The following DGKH variants were observed in gnomAD, a reference collection of about 807,000 sequenced individuals.
DGKH encodes the protein diacylglycerol kinase eta.
Under a neutral mutation model 159.3 loss-of-function variants are expected in DGKH, and 90 were observed. That is an observed-to-expected ratio of 0.57 (90% confidence interval 0.48 to 0.67). The LOEUF is 0.67. Ranked by LOEUF, DGKH falls within the 30% of genes least tolerant of loss-of-function variation. DGKH has a pLI of 0.00. For missense variants in DGKH, 1,181 were observed against 1,506.1 expected (o/e 0.78, Z 3.57); for synonymous variants, 536 against 553.8 (o/e 0.97, Z 0.45).
intron 1 of DGKH, among the ~76,000 whole-genome samples, chr13:42,057,287 G>A (rs1009898686): frequency 2.0e-5 from 3 of 151,830 alleles, no homozygotes; most frequent in African/African-American, 7.3e-5. Context: ...AAAAATATGA[G>A]TAAAATTTAT....
intron 1 of DGKH, chr13:42,070,104 G>T: frequency 1.0e-6 from 1 of 964,366 alleles, no homozygotes; most frequent in Non-Finnish European, 1.7e-6. Flanking sequence ...GAAAAGGATG[G>T]CTTGAAATTG....
At chr13:42,052,980 G>C (rs1364522042) in intron 1 of DGKH, among the ~76,000 whole-genome samples, 1 of 152,102 alleles carries the variant, frequency 6.6e-6, no homozygotes, top group African/African-American at 2.4e-5. Flanking sequence ...GGCCACAAAT[G>C]AGTCTCTAAA....
At chr13:42,114,667 A>G (rs1463107360) in intron 1 of DGKH, among the ~76,000 whole-genome samples, 1 of 152,236 alleles carries the variant, frequency 6.6e-6, no homozygotes, top group Non-Finnish European at 1.5e-5. Context: ...CTAAGAAGTA[A>G]AATAATATAC....
intron 1 of DGKH, among the ~76,000 whole-genome samples, chr13:42,083,902 C>T (rs549175902): frequency 6.6e-6 from 1 of 152,286 alleles, no homozygotes; most frequent in South Asian, 2.1e-4. Context: ...TAGTGTTAAA[C>T]CCACTTTCAA....
chr13:42,209,993 A>AT (rs34470988), intron 23 of DGKH, among the ~76,000 whole-genome samples: 3,561 of 132,694 alleles, frequency 0.027, 95 homozygotes, highest in African/African-American at 0.079. Flanking sequence ...GCAATCATTG[A>AT]TTTTTTTTTT....
At chr13:42,089,476 G>A (rs1055105533) in intron 1 of DGKH, among the ~76,000 whole-genome samples, 3 of 152,056 alleles carry the variant, frequency 2.0e-5, no homozygotes, top group Admixed American at 6.6e-5. Context: ...GTCCAGAATG[G>A]GTCTCAGCTA....
intron 1 of DGKH, among the ~76,000 whole-genome samples, chr13:42,100,357 G>A (rs1288349973): frequency 6.6e-6 from 1 of 152,154 alleles, no homozygotes; most frequent in Non-Finnish European, 1.5e-5. Flanking sequence ...ATTATGGTGA[G>A]TTGAATTATT....
At chr13:42,204,257 G>A (rs1015316182) in intron 20 of DGKH, among the ~76,000 whole-genome samples, 6 of 152,224 alleles carry the variant, frequency 3.9e-5, no homozygotes, top group Admixed American at 2.6e-4. Context: ...TCTGTTTAAT[G>A]TATTGGGTTG....
chr13:42,221,548 A>G (rs1008872222), intron 29 of DGKH, among the ~76,000 whole-genome samples, 154 bp downstream of exon 29: 1 of 152,180 alleles, frequency 6.6e-6, no homozygotes, highest in Non-Finnish European at 1.5e-5. Flanking sequence ...AGTTTCTTGT[A>G]TGCTTTTTAA....
intron 13 of DGKH, among the ~76,000 whole-genome samples, chr13:42,185,541 G>A (rs1249982721): frequency 6.6e-6 from 1 of 152,184 alleles, no homozygotes; most frequent in African/African-American, 2.4e-5. Context: ...GACATATGCA[G>A]TTTCACAAAC....
At position 42,234,666 on chromosome 13, in the gene DGKH, T is replaced by C. The variant is rs949314424; in HGVS notation, c.*5478T>C. On this transcript the variant is annotated 3_prime_UTR_variant, in exon 30 of 30. Coordinates refer to ENST00000337343, the MANE Select transcript of DGKH (RefSeq NM_178009.5). ...TCTTTAGATCAGCTGAAAAGAAGAG[T>C]GAGAATTGAAAATTCCTCCACTAGT... The C allele has an allele frequency of 6.6e-6, 1 of 152,066 alleles. No individual in the cohort carries two copies. The highest frequency in any genetic ancestry group is 2.4e-5 in the African/African-American group (1 of 41,410). 9.4% of individuals were successfully genotyped at this position (152,066 alleles called of 1,614,324 possible).
chr13:42,195,004 A>G lies in DGKH; in HGVS notation c.2155A>G (p.Ile719Val). The change falls in exon 17 of 30, where the codon ATA (isoleucine) becomes GTA (valine). Residue 719 changes from isoleucine (I) to valine (V), a missense_variant. By Grantham distance (29) the Ile-to-Val change is conservative. Transcript: ENST00000337343. ...KENLPVLNTRIICPGLRAGLA... is the reference protein window; with the variant it reads ...KENLPVLNTRVICPGLRAGLA... Reference sequence around the variant, plus strand: ...AAACCTCCCTGTGCTCAATACCAGAATAATCTGCCCAGGTAGTACAGATTC... The same window carrying G: ...AAACCTCCCTGTGCTCAATACCAGAGTAATCTGCCCAGGTAGTACAGATTC... 1 of 1,613,952 alleles carries G rather than the reference A, an allele frequency of 6.2e-7. No individual in the cohort carries two copies. Among genetic ancestry groups the G allele is most frequent in the African/African-American group, 1.3e-5 (1 of 75,038 alleles).
chr13:42,118,833 C>T (rs758061988), intron 1 of DGKH, among the ~76,000 whole-genome samples: 1 of 152,100 alleles, frequency 6.6e-6, no homozygotes, highest in East Asian at 1.9e-4. Context: ...GGGCTTGAAG[C>T]GGTGGCGTAA....
chr13:42,047,844 A>G (rs1194705853), upstream of DGKH, among the ~76,000 whole-genome samples: 1 of 152,124 alleles, frequency 6.6e-6, no homozygotes, highest in Non-Finnish European at 1.5e-5. Flanking sequence ...GCTTCAGCTT[A>G]GACACTTCTT....
chr13:42,236,789 G>C lies in DGKH; in HGVS notation c.*7601G>C, dbSNP rs892362414. 6.6e-6 allele frequency: 1 copy of C among 152,296 alleles called. No individual in the cohort carries two copies. Among genetic ancestry groups the C allele is most frequent in the African/African-American group, 2.4e-5 (1 of 41,440 alleles). The allele number at this position is 152,296 out of a possible 1,614,324, so 9.4% of individuals were successfully genotyped here. ...GTGGTGGTGGGTGCCTGTAATCCCAGCTACTCAGGAGGCTGAGGCAGGAGA... is the reference window on the plus strand; with the variant it reads ...GTGGTGGTGGGTGCCTGTAATCCCACCTACTCAGGAGGCTGAGGCAGGAGA... On this transcript the variant is annotated 3_prime_UTR_variant, in exon 30 of 30. Coordinates refer to ENST00000337343, the MANE Select transcript of DGKH (RefSeq NM_178009.5).
intron 1 of DGKH, among the ~76,000 whole-genome samples, chr13:42,127,196 A>G (rs1004360350): frequency 1.3e-5 from 2 of 152,108 alleles, no homozygotes; most frequent in Non-Finnish European, 2.9e-5. Flanking sequence ...TGCACATAAC[A>G]CTGTATTGCA....
At chr13:42,186,037 GTGTGTGTGTGTGTA>G (rs1229527998) in intron 13 of DGKH, among the ~76,000 whole-genome samples, 1 of 149,896 alleles carries the variant, frequency 6.7e-6, no homozygotes, top group East Asian at 1.9e-4. Context: ...GTGTGTGTGT[GTGTGTGTGTGTGTA>G]TGTCCTGTGT....
chr13:42,137,979 A>T, intron 3 of DGKH: 1 of 537,888 alleles, frequency 1.9e-6, no homozygotes, highest in Non-Finnish European at 2.4e-6. Flanking sequence ...TCAGTATAAC[A>T]GAGAACTTTC....
At chr13:42,075,508 C>CT (rs1954077109) in intron 1 of DGKH, among the ~76,000 whole-genome samples, 1 of 152,144 alleles carries the variant, frequency 6.6e-6, no homozygotes, top group African/African-American at 2.4e-5. Flanking sequence ...TATAAAATAA[C>CT]TTTTTCTTTC....
Sources: gnomAD v4.1 joint callset for allele counts (sites outside exome capture counted in the v4.1 genomes callset) on GRCh38, gnomAD v4.1.1 for gene constraint, MANE v1.5 for transcripts, NCBI Gene and HGNC (gene_info 2026-07-23, HGNC 2026-07-21) for gene names.